The following CACNA1C variants were observed in gnomAD, a reference collection of about 807,000 sequenced individuals.
The protein encoded by CACNA1C is voltage-dependent L-type calcium channel subunit alpha-1C.
In CACNA1C, 30 loss-of-function variants were observed where a neutral mutation model predicts 229.0. That is an observed-to-expected ratio of 0.13 (90% confidence interval 0.10 to 0.18). The LOEUF (loss-of-function observed/expected upper bound fraction) is 0.18. Ranked by LOEUF, CACNA1C falls within the 10% of genes least tolerant of loss-of-function variation. The pLI, the probability that CACNA1C is intolerant of heterozygous loss-of-function variation, is 1.00. For missense variants in CACNA1C, 1,658 were observed against 2,845.0 expected (o/e 0.58, Z 9.49); for synonymous variants, 1,114 against 1,132.5 (o/e 0.98, Z 0.33).
chr12:2,443,810 A>G (rs913882938), intron 3 of CACNA1C, among the ~76,000 whole-genome samples: 1 of 152,194 alleles, frequency 6.6e-6, no homozygotes, highest in Non-Finnish European at 1.5e-5. Flanking sequence ...AGATGTTTCT[A>G]TGACAGCACA....
intron 3 of CACNA1C, among the ~76,000 whole-genome samples, chr12:2,376,853 G>C (rs1465267762): frequency 6.6e-6 from 1 of 152,192 alleles, no homozygotes; most frequent in Non-Finnish European, 1.5e-5. Context: ...TGGGGTGAAA[G>C]ATGGTGGTGC....
chr12:2,081,477 A>C (rs1339722399), intron 1 of CACNA1C, among the ~76,000 whole-genome samples: 2 of 152,220 alleles, frequency 1.3e-5, no homozygotes, highest in East Asian at 1.9e-4. Context: ...AGGCTGAGGC[A>C]GGAGAATGGC....
At chr12:2,270,513 G>A (rs2084419851) in intron 3 of CACNA1C, among the ~76,000 whole-genome samples, 1 of 152,188 alleles carries the variant, frequency 6.6e-6, no homozygotes. Flanking sequence ...TGAGTGGCCT[G>A]AGTTCTCCAG....
At chr12:2,042,745 C>T (rs971682467) in intron 1 of CACNA1C, among the ~76,000 whole-genome samples, 8 of 152,122 alleles carry the variant, frequency 5.3e-5, no homozygotes, top group Non-Finnish European at 1.0e-4. Context: ...GGTTGTCCTC[C>T]GGTGAACGTG....
intron 3 of CACNA1C, among the ~76,000 whole-genome samples, chr12:2,400,148 A>T (rs2098656905): frequency 2.0e-5 from 3 of 152,184 alleles, no homozygotes; most frequent in South Asian, 4.1e-4. Context: ...GGTGTGGATA[A>T]TATTAAATCC....
At chr12:2,126,167 G>A (rs1596528515) in intron 3 of CACNA1C, among the ~76,000 whole-genome samples, 1 of 151,774 alleles carries the variant, frequency 6.6e-6, no homozygotes, top group African/African-American at 2.4e-5. Context: ...ATAAAAGTCT[G>A]TTTGTTGTAT....
rs766410481 is a variant in CACNA1C, at chr12:2,606,998, C to T, written c.3224C>T (p.Thr1075Met). The T allele has an allele frequency of 8.1e-6, 13 of 1,613,848 alleles. No homozygotes were observed. Among genetic ancestry groups the T allele is most frequent in the Admixed American group, 3.3e-5 (2 of 60,004 alleles). The stretch of plus-strand genomic sequence containing the variant: ...TCCTCTCTCAGGGGCAACTACATCA[C>T]GTACAAAGACGGGGAGGTTGACCAC... ...TEAECKGNYITYKDGEVDHPI... is the reference protein window; with the variant it reads ...TEAECKGNYIMYKDGEVDHPI... Residue 1075 changes from threonine (T) to methionine (M), a missense_variant, in exon 26 of 47, where the codon ACG becomes ATG. Coordinates refer to ENST00000399655, the MANE Select transcript of CACNA1C (RefSeq NM_000719.7).
At chr12:2,138,828 A>C (rs2093832605) in intron 3 of CACNA1C, among the ~76,000 whole-genome samples, 4 of 150,760 alleles carry the variant, frequency 2.7e-5, no homozygotes, top group Admixed American at 2.0e-4. Flanking sequence ...TGCCTCAGGT[A>C]TTCCTTTATA....
intron 3 of CACNA1C, among the ~76,000 whole-genome samples, chr12:2,189,824 A>G (rs891343109): frequency 1.3e-5 from 2 of 152,208 alleles, no homozygotes; most frequent in African/African-American, 2.4e-5. Context: ...AAACTCACAA[A>G]AGTACTTGAG....
intron 3 of CACNA1C, among the ~76,000 whole-genome samples, chr12:2,207,901 T>G (rs984344762): frequency 6.6e-6 from 1 of 152,198 alleles, no homozygotes; most frequent in South Asian, 2.1e-4. Context: ...AAAGTCTTAT[T>G]GATGTGTGCC....
chr12:2,614,895 C>G (rs1166344683), intron 29 of CACNA1C: 2 of 151,902 alleles, frequency 1.3e-5, no homozygotes, highest in Non-Finnish European at 2.9e-5. Context: ...CCTCACCACT[C>G]CATGGAAAAT....
At chr12:2,383,143 T>A (rs2098292184) in intron 3 of CACNA1C, among the ~76,000 whole-genome samples, 1 of 152,202 alleles carries the variant, frequency 6.6e-6, no homozygotes, top group Admixed American at 6.5e-5. Flanking sequence ...TGCTGTGCTG[T>A]GTAGGTGTGC....
At chr12:2,066,870 G>A (rs945818581) in intron 1 of CACNA1C, among the ~76,000 whole-genome samples, 2 of 152,192 alleles carry the variant, frequency 1.3e-5, no homozygotes, top group Non-Finnish European at 2.9e-5. Flanking sequence ...AAGGAGGACA[G>A]GAGGGGCCTC....
intron 3 of CACNA1C, among the ~76,000 whole-genome samples, chr12:2,374,680 C>T (rs1481451908): frequency 6.6e-6 from 1 of 152,222 alleles, no homozygotes; most frequent in Non-Finnish European, 1.5e-5. Context: ...CTCAGGGCCC[C>T]TTAGCCATTC....
chr12:2,092,021 C>T (rs1412755041), intron 1 of CACNA1C, among the ~76,000 whole-genome samples: 1 of 152,160 alleles, frequency 6.6e-6, no homozygotes, highest in East Asian at 1.9e-4. Context: ...TCCTCACCTG[C>T]TCTCATTTCT....
At chr12:2,577,821 C>T (rs377273144) in intron 13 of CACNA1C, among the ~76,000 whole-genome samples, 3 of 152,206 alleles carry the variant, frequency 2.0e-5, no homozygotes, top group East Asian at 3.9e-4. Flanking sequence ...CTCCCATGGC[C>T]TCACATTCTG....
At chr12:2,430,189 TA>T (rs757199948) in intron 3 of CACNA1C, among the ~76,000 whole-genome samples, 11 of 152,142 alleles carry the variant, frequency 7.2e-5, no homozygotes, top group Non-Finnish European at 1.3e-4. Context: ...CCTCATGACC[TA>T]ATCACCTCCC....
intron 29 of CACNA1C, among the ~76,000 whole-genome samples, chr12:2,625,159 C>A (rs2085631418): frequency 6.6e-6 from 1 of 151,890 alleles, no homozygotes; most frequent in African/African-American, 2.4e-5. Context: ...TGACAGGTTT[C>A]TTTCCGGCCT....
chr12:2,118,539 A>C (rs1203139710), intron 2 of CACNA1C, among the ~76,000 whole-genome samples: 1 of 152,242 alleles, frequency 6.6e-6, no homozygotes, highest in Non-Finnish European at 1.5e-5. Flanking sequence ...GACCTGGCAC[A>C]AGTTAACGTC....
Sources: gnomAD v4.1 joint callset for allele counts (sites outside exome capture counted in the v4.1 genomes callset) on GRCh38, gnomAD v4.1.1 for gene constraint, MANE v1.5 for transcripts, NCBI Gene and HGNC (gene_info 2026-07-23, HGNC 2026-07-21) for gene names.